Variants in PDE5A observed in about 807,000 individuals in gnomAD.
PDE5A encodes phosphodiesterase 5A.
In PDE5A, 67 loss-of-function variants were observed where a neutral mutation model predicts 110.2. The observed-to-expected ratio is 0.61, with a 90% CI of 0.50 to 0.75. The LOEUF (loss-of-function observed/expected upper bound fraction) is 0.75, where lower values mean the gene tolerates loss of function less well. PDE5A is among the 30% of genes least tolerant of loss of function. The pLI is 0.00. For synonymous variants in PDE5A, 328 were observed against 351.2 expected (o/e 0.93, Z 0.74); for missense variants, 862 against 1,045.1 (o/e 0.82, Z 2.42).
intron 18 of PDE5A, 75 bp downstream of exon 18, chr4:119,504,461 T>C (rs866493832): frequency 1.0e-5 from 11 of 1,091,156 alleles, no homozygotes; most frequent in Middle Eastern, 4.9e-4. Context: ...TTTAGGTAGA[T>C]ACCTAGTAGT....
At chr4:119,524,172 G>A (rs767281859) in intron 12 of PDE5A, among the ~76,000 whole-genome samples, 1 of 152,098 alleles carries the variant, frequency 6.6e-6, no homozygotes, top group Non-Finnish European at 1.5e-5. Flanking sequence ...CTCCCATGGG[G>A]AGAATAATAC....
In PDE5A at chr4:119,519,046, G is replaced by T. The variant is rs772573606; in HGVS notation, c.1999C>A (p.Arg667=). 3.7e-6 allele frequency: 6 copies of T among 1,601,012 alleles called. No homozygotes were observed. The highest frequency in any genetic ancestry group is 2.6e-6 in the Non-Finnish European group (3 of 1,168,370). Residue 667 remains arginine, a splice_region_variant and synonymous_variant, in exon 14 of 21, where the codon CGA becomes AGA. Transcript: ENST00000354960. Reference sequence around the variant, plus strand: ...CTTGCTTTACTGGGAAAGTCTTACCGCTGTATGTAAGAGTTATTCACACCA... The same window carrying T: ...CTTGCTTTACTGGGAAAGTCTTACCTCTGTATGTAAGAGTTATTCACACCA... ...HRGVNNSYIQ[R]SEHPLAQLYC...
chr4:119,596,536 T>C lies in PDE5A; in HGVS notation c.818A>G (p.Asn273Ser), dbSNP rs1474198346. 6.3e-7 allele frequency: 1 copy of C among 1,588,000 alleles called. No individual in the cohort carries two copies. The part of the protein sequence containing the change: ...TQSILCMPIK[N>S]HREEVVGVAQ... ...AAATTGGCTTACCTCTTCCCTATGA[T>C]TCTTAATTGGCATACAAAGAATGCT... Residue 273 changes from asparagine (N) to serine (S), a missense_variant, in exon 3 of 21, where the codon AAT becomes AGT. Physicochemically the swap from Asn to Ser is conservative, Grantham distance 46 (BLOSUM62 1). Coordinates refer to ENST00000354960, the MANE Select transcript of PDE5A (RefSeq NM_001083.4).
At chr4:119,618,148 G>A (rs1236894961) in intron 1 of PDE5A, among the ~76,000 whole-genome samples, 4 of 152,018 alleles carry the variant, frequency 2.6e-5, no homozygotes, top group Non-Finnish European at 5.9e-5. Flanking sequence ...ATGACCTTAG[G>A]TACATTATTT....
intron 15 of PDE5A, among the ~76,000 whole-genome samples, 192 bp downstream of exon 15, chr4:119,510,855 T>G (rs1359664788): frequency 6.6e-6 from 1 of 152,154 alleles, no homozygotes; most frequent in African/African-American, 2.4e-5. Context: ...GGGCAACATG[T>G]AGACAGTTCT....
chr4:119,503,199 T>G (rs1725427560), intron 18 of PDE5A, among the ~76,000 whole-genome samples: 1 of 152,162 alleles, frequency 6.6e-6, no homozygotes, highest in African/African-American at 2.4e-5. Context: ...GCTCCCTGAC[T>G]AAGCAGCCCG....
chr4:119,497,157 G>C lies in PDE5A; in HGVS notation c.*1444C>G, dbSNP rs189599770. The C allele has an allele frequency of 6.6e-6, 1 of 152,214 alleles. No homozygotes were observed. The highest frequency in any genetic ancestry group is 1.5e-5 in the Non-Finnish European group (1 of 67,978). 9.4% of individuals were successfully genotyped at this position (152,214 alleles called of 1,614,324 possible). ...AAATTTTCTATCCAAATTAGTGATA[G>C]AAACTCAGATCAAATATCTTTTTTG... On this transcript the variant is annotated 3_prime_UTR_variant, in exon 21 of 21. Transcript: ENST00000354960.
intron 5 of PDE5A, 46 bp downstream of exon 5, chr4:119,565,275 T>C: frequency 7.5e-7 from 1 of 1,335,108 alleles, no homozygotes; most frequent in Non-Finnish European, 1.1e-6. Context: ...AATGTAACAA[T>C]TTTTAAAAAG....
chr4:119,522,898 A>C (rs1726179936), intron 12 of PDE5A, among the ~76,000 whole-genome samples: 1 of 152,104 alleles, frequency 6.6e-6, no homozygotes, highest in Non-Finnish European at 1.5e-5. Flanking sequence ...ACGTTGAATC[A>C]GTCTCTAACA....
intron 1 of PDE5A, among the ~76,000 whole-genome samples, chr4:119,619,719 T>C (rs1195694052): frequency 6.6e-6 from 1 of 152,226 alleles, no homozygotes; most frequent in African/African-American, 2.4e-5. Flanking sequence ...AATGGTAAAC[T>C]ACTGAAAATT....
At chr4:119,568,095 G>A (rs150631221) in intron 3 of PDE5A, among the ~76,000 whole-genome samples, 382 of 151,296 alleles carry the variant, frequency 2.5e-3, no homozygotes, top group Non-Finnish European at 3.9e-3. Context: ...ATACCTTCTT[G>A]TCTTATGTAG....
At chr4:119,609,187 C>A (rs1383658102) in intron 1 of PDE5A, among the ~76,000 whole-genome samples, 1 of 151,874 alleles carries the variant, frequency 6.6e-6, no homozygotes, top group East Asian at 1.9e-4. Context: ...AAAAAATAGG[C>A]AATATCTAAC....
chr4:119,567,845 T>C (rs1046925080), intron 3 of PDE5A, among the ~76,000 whole-genome samples: 1 of 152,178 alleles, frequency 6.6e-6, no homozygotes, highest in African/African-American at 2.4e-5. Flanking sequence ...CTTAGTCCTA[T>C]AAAGACCTTC....
At chr4:119,586,702 T>C (rs1728777325) in intron 3 of PDE5A, among the ~76,000 whole-genome samples, 1 of 152,200 alleles carries the variant, frequency 6.6e-6, no homozygotes. Flanking sequence ...AGGGACTATG[T>C]AAAACTTCTC....
rs201605463 is a variant in PDE5A, at chr4:119,553,666, A to G, written c.1280T>C (p.Val427Ala). The stretch of plus-strand genomic sequence containing the variant: ...CCAGGGAAATCTTTTATCCTTACTG[A>G]CATCTGGGATATTAAGTGGTTCCAT... Reference protein sequence around the residue: ...NTMEPLNIPDVSKDKRFPWTT... With the variant: ...NTMEPLNIPDASKDKRFPWTT... The change falls in exon 8 of 21, where the codon GTC (valine) becomes GCC (alanine). Residue 427 changes from valine (V) to alanine (A), a missense_variant. Physicochemically the swap from Val to Ala is moderately conservative, Grantham distance 64. Transcript: ENST00000354960. The G allele has an allele frequency of 6.3e-7, 1 of 1,584,058 alleles. No individual in the cohort carries two copies. Among genetic ancestry groups the G allele is most frequent in the Non-Finnish European group, 8.7e-7 (1 of 1,152,924 alleles).
chr4:119,534,704 T>C (rs1164606329), intron 11 of PDE5A, among the ~76,000 whole-genome samples: 2 of 152,156 alleles, frequency 1.3e-5, no homozygotes, highest in East Asian at 1.9e-4. Context: ...TGGCCATCCA[T>C]ACAGAGTTTT....
In PDE5A at chr4:119,525,178, T is replaced by C. The variant is rs1726266837; in HGVS notation, c.1779+371A>G. ...TAAAATCCAAATTCATCTGTACGGC[T>C]TACAAGGTTCCGTATCATTTGCTTC... On this transcript the variant is annotated intron_variant, in intron 12 of 20. Coordinates refer to ENST00000354960, the MANE Select transcript of PDE5A (RefSeq NM_001083.4). This position sits in a 1 kb window ranked among gnomAD's most constrained non-coding sequence, Gnocchi z 4.3. Among the ~76,000 whole-genome samples the C allele has an allele frequency of 6.6e-6, 1 of 152,102 alleles. No individual in the cohort carries two copies. The highest frequency in any genetic ancestry group is 1.5e-5 in the Non-Finnish European group (1 of 68,016).
At chr4:119,585,804 C>T (rs910500865) in intron 3 of PDE5A, among the ~76,000 whole-genome samples, 9 of 152,058 alleles carry the variant, frequency 5.9e-5, no homozygotes, top group African/African-American at 1.7e-4. Context: ...ACTTTGGAGA[C>T]GAGGTTATAT....
chr4:119,562,900 G>A lies in PDE5A; in HGVS notation c.1064C>T (p.Ala355Val). The A allele has an allele frequency of 4.4e-6, 7 of 1,599,692 alleles. No individual in the cohort carries two copies. Among genetic ancestry groups the A allele is most frequent in the Non-Finnish European group, 6.0e-6 (7 of 1,173,150 alleles). The change falls in exon 6 of 21, where the codon GCT becomes GTT. Residue 355 changes from alanine to valine, a missense_variant. By Grantham distance (64) the Ala-to-Val change is moderately conservative (BLOSUM62 0). Transcript: ENST00000354960. ...TTGCATGAAAGAGATAATAGTGGCA[G>A]CTATTTTCTTCAAAATTACTTCTAA... ...QSLEVILKKI[A>V]ATIISFMQVQ...
Sources: allele counts gnomAD v4.1 joint callset (sites outside exome capture counted in the v4.1 genomes callset), GRCh38; gene constraint gnomAD v4.1.1; non-coding constraint Gnocchi (gnomAD v3.1); transcripts MANE v1.5; gene names NCBI Gene and HGNC (gene_info 2026-07-23, HGNC 2026-07-21).